The following DIP2C variants were observed in gnomAD, a reference collection of about 807,000 sequenced individuals.
DIP2C encodes DIP2 acetate--CoA ligase C (putative).
DIP2C carries 33 observed loss-of-function variants against 192.4 expected under a neutral mutation model. That is an observed-to-expected ratio of 0.17 (90% CI 0.13 to 0.23). The LOEUF is 0.23. Ranked by LOEUF, DIP2C falls within the 10% of genes least tolerant of loss-of-function variation. The probability of loss-of-function intolerance (pLI) is 1.00; values close to 1 mark genes in which losing one functional copy is unlikely to be tolerated. For synonymous variants in DIP2C, 979 were observed against 864.1 expected (o/e 1.13, Z -2.33); for missense variants, 1,537 against 2,110.1 (o/e 0.73, Z 5.32).
At chr10:388,690 C>T (rs1025211328) in intron 13 of DIP2C, among the ~76,000 whole-genome samples, 13 of 152,318 alleles carry the variant, frequency 8.5e-5, no homozygotes, top group Non-Finnish European at 1.8e-4. Context: ...ACCCACGAGA[C>T]ACACACGCTG....
intron 1 of DIP2C, among the ~76,000 whole-genome samples, chr10:573,897 A>G (rs75856954): frequency 5.5e-4 from 84 of 152,320 alleles, no homozygotes; most frequent in African/African-American, 1.9e-3. Context: ...CAAGTTCTAT[A>G]AAGTGGTACC....
chr10:595,403 A>G (rs1310277705), intron 1 of DIP2C, among the ~76,000 whole-genome samples: 1 of 152,008 alleles, frequency 6.6e-6, no homozygotes. Context: ...AAATATGACC[A>G]CAACCTTTTG....
At chr10:437,843 T>C (rs4279935) in intron 4 of DIP2C, 148,967 of 152,332 alleles carry the variant, frequency 0.98, 72,927 homozygotes, top group Middle Eastern at 1. Context: ...AGATAAACTT[T>C]AAGAATATTC....
intron 1 of DIP2C, among the ~76,000 whole-genome samples, chr10:635,113 AC>A (rs1010243906): frequency 6.6e-6 from 1 of 152,038 alleles, no homozygotes; most frequent in Non-Finnish European, 1.5e-5. Context: ...CCCATGACAC[AC>A]CCCACCCTCC....
At chr10:404,323 C>G (rs1363611222) in intron 9 of DIP2C, among the ~76,000 whole-genome samples, 3 of 151,998 alleles carry the variant, frequency 2.0e-5, no homozygotes, top group Non-Finnish European at 2.9e-5. Flanking sequence ...ATTCTCTTGC[C>G]TCAGCCTCCC....
intron 3 of DIP2C, among the ~76,000 whole-genome samples, chr10:441,609 C>G (rs185465255): frequency 6.6e-6 from 1 of 152,272 alleles, no homozygotes; most frequent in South Asian, 2.1e-4. Flanking sequence ...TAGAGGTTTC[C>G]GCTTTTGCTT....
intron 1 of DIP2C, among the ~76,000 whole-genome samples, chr10:658,033 T>C (rs867794833): frequency 0.21 from 8,615 of 41,546 alleles, no homozygotes; most frequent in Middle Eastern, 0.28. Context: ...GGACCTGCCC[T>C]TGGACCTGTC....
At chr10:435,579 C>T (rs1241700827) in intron 4 of DIP2C, among the ~76,000 whole-genome samples, 1 of 152,196 alleles carries the variant, frequency 6.6e-6, no homozygotes, top group Non-Finnish European at 1.5e-5. Flanking sequence ...TATGGTGATT[C>T]TCCACTTCAC....
At chr10:639,182 C>G (rs573943341) in intron 1 of DIP2C, among the ~76,000 whole-genome samples, 1 of 144,102 alleles carries the variant, frequency 6.9e-6, no homozygotes, top group Non-Finnish European at 1.5e-5. Flanking sequence ...CCGGTCCACA[C>G]ATGTGGACGC....
At chr10:579,616 CAT>C (rs980533302) in intron 1 of DIP2C, among the ~76,000 whole-genome samples, 11 of 151,926 alleles carry the variant, frequency 7.2e-5, no homozygotes, top group African/African-American at 1.2e-4. Context: ...AGTGTACAAA[CAT>C]GTGCACTGTA....
chr10:358,536 A>G (rs1418804813), intron 22 of DIP2C, among the ~76,000 whole-genome samples: 1 of 121,406 alleles, frequency 8.2e-6, no homozygotes, highest in African/African-American at 3.2e-5. Flanking sequence ...GGGCTGTCAT[A>G]AAGTCATCGC....
intron 1 of DIP2C, among the ~76,000 whole-genome samples, chr10:635,456 G>A (rs1286475281): frequency 6.6e-6 from 1 of 152,290 alleles, no homozygotes; most frequent in African/African-American, 2.4e-5. Context: ...AGGGGGAGGT[G>A]GCACAGCCTT....
At chr10:631,851 G>A (rs944983296) in intron 1 of DIP2C, among the ~76,000 whole-genome samples, 28 of 152,138 alleles carry the variant, frequency 1.8e-4, no homozygotes, top group Non-Finnish European at 1.0e-4. Flanking sequence ...ATGTTTACCT[G>A]AATATTTTAA....
chr10:476,815 C>A (rs567646261), intron 2 of DIP2C, among the ~76,000 whole-genome samples: 2 of 151,996 alleles, frequency 1.3e-5, no homozygotes, highest in Non-Finnish European at 2.9e-5. Flanking sequence ...TAAGAAAACA[C>A]GGAAACTGCT....
intron 1 of DIP2C, among the ~76,000 whole-genome samples, chr10:578,013 G>C (rs1343481691): frequency 6.6e-6 from 1 of 152,054 alleles, no homozygotes; most frequent in Non-Finnish European, 1.5e-5. Context: ...GGAAAACTAA[G>C]TACTAATTTT....
chr10:522,988 G>C (rs529085914), intron 1 of DIP2C, among the ~76,000 whole-genome samples: 1 of 152,020 alleles, frequency 6.6e-6, no homozygotes, highest in East Asian at 1.9e-4. Context: ...ACGCTGGAGT[G>C]AGGATGCACG....
intron 4 of DIP2C, among the ~76,000 whole-genome samples, chr10:428,226 T>C (rs1180909680): frequency 6.6e-6 from 1 of 152,206 alleles, no homozygotes; most frequent in Non-Finnish European, 1.5e-5. Context: ...TATGATTTTA[T>C]ATTCCAGAAA....
intron 19 of DIP2C, among the ~76,000 whole-genome samples, chr10:365,677 G>C (rs953573024): frequency 6.6e-6 from 1 of 152,246 alleles, no homozygotes; most frequent in African/African-American, 2.4e-5. Context: ...TTGCAGCACT[G>C]AACGTGTGTC....
chr10:320,025 G>A (rs1482847892), intron 31 of DIP2C, among the ~76,000 whole-genome samples: 1 of 152,162 alleles, frequency 6.6e-6, no homozygotes, highest in African/African-American at 2.4e-5. Flanking sequence ...TATTTGAGAG[G>A]AAAATGCTGT....
Sources: allele counts gnomAD v4.1 joint callset (sites outside exome capture counted in the v4.1 genomes callset), GRCh38; gene constraint gnomAD v4.1.1; transcripts MANE v1.5; gene names NCBI Gene and HGNC (gene_info 2026-07-23, HGNC 2026-07-21).